The following ZNF630 variants were observed in gnomAD, a reference collection of about 807,000 sequenced individuals.
ZNF630 encodes the protein zinc finger protein 630.
Under a neutral mutation model 7.2 loss-of-function variants are expected in ZNF630, and 5 were observed. The ratio of observed to expected loss-of-function variants is 0.70; its 90% confidence interval spans 0.36 to 1.46. The LOEUF (loss-of-function observed/expected upper bound fraction) is 1.46. Among genes scored for constraint, ZNF630 ranks in the 40% most tolerant of loss-of-function variants. The pLI is 0.03. For missense variants in ZNF630, 461 were observed against 477.0 expected (o/e 0.97, Z 0.31); for synonymous variants, 158 against 162.8 (o/e 0.97, Z 0.23).
Position 48,060,234 on chromosome X carries a change from TACACACACACACACACAC to T in ZNF630, c.239-49_239-32del, listed in dbSNP as rs56253151. 1.6e-3 allele frequency: 924 copies of T among 563,770 alleles called. 5 individuals carry two copies. Among genetic ancestry groups the T allele is most frequent in the Middle Eastern group, 3.3e-3 (6 of 1,803 alleles). The allele number at this position is 563,770 out of a possible 1,213,427, so 46.5% of individuals were successfully genotyped here. A position where few individuals can be genotyped will look rare whatever the true frequency, so the allele number is the denominator to read the frequency against. On this transcript the variant is annotated intron_variant, in intron 4 of 4. Coordinates refer to ENST00000276054, the MANE Select transcript of ZNF630 (RefSeq NM_001282201.2). ...GGAAGAAGAAAGAGGGAAAATCAAA[TACACACACACACACACAC>T]ACACACACACACACACACACACACA...
At position 48,059,882 on chromosome X, in the gene ZNF630, G is replaced by A. The variant is rs898737598; in HGVS notation, c.560C>T (p.Ser187Phe). The A allele has an allele frequency of 1.7e-6, 2 of 1,205,780 alleles. No individual in the cohort carries two copies. Among genetic ancestry groups the A allele is most frequent in the Non-Finnish European group, 2.2e-6 (2 of 892,588 alleles). ...KFDSCENSLK[S>F]NSDLLNYNRS... ...GTTATAATTTAGTAAGTCTGAATTA[G>A]ACTTCAAGCTATTTTCACATGAATC... The change falls in exon 5 of 5, where the codon TCT becomes TTT. Residue 187 changes from serine to phenylalanine, a missense_variant. Transcript: ENST00000276054.
rs150690508 is a variant in ZNF630, at chrX:48,068,119, G to A, written c.-175-1058C>T. Among the ~76,000 whole-genome samples, 239 of 102,854 alleles carry A rather than the reference G, an allele frequency of 2.3e-3. 2 individuals carry two copies. Among genetic ancestry groups the A allele is most frequent in the African/African-American group, 8.2e-3 (227 of 27,797 alleles). The allele number at this position is 102,854 out of a possible 115,157, so 89.3% of individuals were successfully genotyped here. On this transcript the variant is annotated intron_variant, in intron 1 of 4. Transcript: ENST00000276054. ...AGGAGGGAAGGCAGGAAGGAAGGCA[G>A]GACAGAAGGCAGGAAGGAAGGCAGG...
In ZNF630 at chrX:48,059,892, T is replaced by G; in HGVS notation, c.550A>C (p.Ser184Arg). The G allele has an allele frequency of 8.3e-7, 1 of 1,208,073 alleles. No homozygotes were observed. Among genetic ancestry groups the G allele is most frequent in the Non-Finnish European group, 1.1e-6 (1 of 893,148 alleles). Residue 184 changes from serine to arginine, a missense_variant, in exon 5 of 5, where the codon AGC (serine) becomes CGC (arginine). Physicochemically the swap from Ser to Arg is moderately radical, Grantham distance 110. Transcript: ENST00000276054. Reference protein sequence around the residue: ...KFHKFDSCENSLKSNSDLLNY... With the variant: ...KFHKFDSCENRLKSNSDLLNY... ...AGTAAGTCTGAATTAGACTTCAAGC[T>G]ATTTTCACATGAATCAAACTTATGG...
intron 2 of ZNF630, among the ~76,000 whole-genome samples, chrX:48,065,878 A>G (rs1233297462): frequency 9.0e-6 from 1 of 111,216 alleles, no homozygotes; most frequent in African/African-American, 3.3e-5. Flanking sequence ...CAAAATATTA[A>G]CAAGGGATTG....
chrX:48,059,205 G>A lies in ZNF630; in HGVS notation c.1237C>T (p.Pro413Ser). 4 of 1,207,559 alleles carry A rather than the reference G, an allele frequency of 3.3e-6. No individual in the cohort carries two copies. The South Asian group carries it at 7.0e-5, about 21-fold the overall frequency. ...YECTECGKTF[P>S]RKTQLIIHQR... is the part of the protein sequence containing the mutation. ...TGTATAATGAGCTGTGTTTTCCGAG[G>A]GAAGGTCTTCCCACATTCAGTACAT... Residue 413 changes from proline (P) to serine (S), a missense_variant, in exon 5 of 5, where the codon CCT (proline) becomes TCT (serine). Physicochemically the swap from Pro to Ser is moderately conservative, Grantham distance 74. Transcript: ENST00000276054.
intron 1 of ZNF630, among the ~76,000 whole-genome samples, chrX:48,069,351 G>A (rs2059148579): frequency 9.2e-6 from 1 of 108,930 alleles, no homozygotes; most frequent in Admixed American, 9.7e-5. Flanking sequence ...AGTTCTTGGA[G>A]GCAAAACAAA....
chrX:48,064,996 T>C (rs1303859800), intron 2 of ZNF630, among the ~76,000 whole-genome samples: 4 of 112,342 alleles, frequency 3.6e-5, no homozygotes, highest in African/African-American at 1.3e-4. Flanking sequence ...TACTTCGATC[T>C]GTCCCTCTAC....
At chrX:48,065,830 C>T (rs1480693605) in intron 2 of ZNF630, among the ~76,000 whole-genome samples, 2 of 111,122 alleles carry the variant, frequency 1.8e-5, no homozygotes, top group African/African-American at 6.6e-5. Flanking sequence ...AAATTACAGG[C>T]CCTTATGTCT....
intron 4 of ZNF630, 37 bp downstream of exon 4, chrX:48,060,413 A>C: frequency 8.9e-7 from 1 of 1,126,563 alleles, no homozygotes; most frequent in Non-Finnish European, 1.2e-6. Context: ...AGGAAGAAGA[A>C]GATGCCCGCT....
chrX:48,069,145 G>A (rs2059147418), intron 1 of ZNF630, among the ~76,000 whole-genome samples: 1 of 109,356 alleles, frequency 9.1e-6, no homozygotes, highest in South Asian at 3.9e-4. Flanking sequence ...GCAGGCTGAG[G>A]CAGGAGAGTC....
chrX:48,060,355 C>T, intron 4 of ZNF630, 95 bp downstream of exon 4: 1 of 1,018,588 alleles, frequency 9.8e-7, no homozygotes, highest in Non-Finnish European at 1.3e-6. Flanking sequence ...TAAAGGAGGC[C>T]TGATAAATTT....
rs558387334 is a variant in ZNF630, at chrX:48,067,487, A to G, written c.-175-426T>C. On this transcript the variant is annotated intron_variant, in intron 1 of 4. Coordinates refer to ENST00000276054, the MANE Select transcript of ZNF630 (RefSeq NM_001282201.2). ...AAATATGTGTCTGGGATTTGTTTCAAAATAATAAAGACTACCCATGTAAAA... is the reference window on the plus strand; with the variant it reads ...AAATATGTGTCTGGGATTTGTTTCAGAATAATAAAGACTACCCATGTAAAA... Among the ~76,000 whole-genome samples the G allele has an allele frequency of 7.8e-4, 87 of 112,049 alleles. No individual in the cohort carries two copies. In the South Asian group the frequency reaches 0.032, roughly 41 times the overall value.
chrX:48,058,840 C>T lies in ZNF630; in HGVS notation c.1602G>A (p.Leu534=). Residue 534 remains leucine (L), a synonymous_variant, in exon 5 of 5, where the codon CTG becomes CTA. Coordinates refer to ENST00000276054, the MANE Select transcript of ZNF630 (RefSeq NM_001282201.2). ...FSQKSLLIIH[L]RVHTGEKPYE... is the part of the protein sequence containing the mutation. ...AAGGTTTCTCCCCTGTGTGAACTCT[C>T]AGATGAATAATGAGGAGTGATTTCT... The T allele has an allele frequency of 8.3e-7, 1 of 1,206,176 alleles. No individual in the cohort carries two copies. Among genetic ancestry groups the T allele is most frequent in the Non-Finnish European group, 1.1e-6 (1 of 891,843 alleles).
chrX:48,066,981 T>A lies in ZNF630; in HGVS notation c.-95A>T. ...AGTTAACCACTCTTCAACAGCTGGA[T>A]GTGACAATGTGTTGCTTGTTAATTC... On this transcript the variant is annotated 5_prime_UTR_variant, in exon 2 of 5. Coordinates refer to ENST00000276054, the MANE Select transcript of ZNF630 (RefSeq NM_001282201.2). 1 of 924,414 alleles carries A rather than the reference T, an allele frequency of 1.1e-6. No homozygotes were observed. Among genetic ancestry groups the A allele is most frequent in the East Asian group, 3.1e-5 (1 of 31,807 alleles). The allele number at this position is 924,414 out of a possible 1,213,427, so 76.2% of individuals were successfully genotyped here.
intron 2 of ZNF630, among the ~76,000 whole-genome samples, chrX:48,064,315 G>T (rs1405214111): frequency 3.6e-5 from 4 of 111,353 alleles, no homozygotes; most frequent in Non-Finnish European, 7.5e-5. Flanking sequence ...ACAAGGTTCT[G>T]GTATCCTGCA....
rs782365844 is a variant in ZNF630 at position 48,059,090 on chromosome X, C to A, written c.1352G>T (p.Arg451Ile). ...CQQSHLIGHQ[R>I]IHTGEKPYVC... ...ATAAGGTTTTTCTCCTGTATGAATTCTTTGATGTCCTATGAGGTGGGACTG... is the reference window on the plus strand; with the variant it reads ...ATAAGGTTTTTCTCCTGTATGAATTATTTGATGTCCTATGAGGTGGGACTG... The change falls in exon 5 of 5, where the codon AGA becomes ATA. Residue 451 changes from arginine to isoleucine, a missense_variant. Arg to Ile is a moderately conservative substitution (Grantham distance 97, BLOSUM62 -3). Transcript: ENST00000276054. The A allele has an allele frequency of 5.0e-6, 6 of 1,208,430 alleles. No homozygotes were observed. Among genetic ancestry groups the A allele is most frequent in the South Asian group, 3.5e-5 (2 of 56,873 alleles).
rs2059098551 is a variant in ZNF630 at position 48,060,273 on chromosome X, AC to A, written c.239-71del. The A allele has an allele frequency of 4.2e-5, 39 of 924,021 alleles. 1 individual carries two copies. Among genetic ancestry groups the A allele is most frequent in the Admixed American group, 1.8e-4 (5 of 27,541 alleles). The allele number at this position is 924,021 out of a possible 1,213,427, so 76.1% of individuals were successfully genotyped here. A position where few individuals can be genotyped will look rare whatever the true frequency, so the allele number is the denominator to read the frequency against. On this transcript the variant is annotated intron_variant, in intron 4 of 4. Coordinates refer to ENST00000276054, the MANE Select transcript of ZNF630 (RefSeq NM_001282201.2). ...CACACACACACACACACACACACAC[AC>A]ACACACACACACAAAACAGTTGGCA...
rs1556911038 is a variant in ZNF630 at position 48,071,427 on chromosome X, C to A, written c.-336G>T. The A allele has an allele frequency of 9.0e-6, 1 of 111,376 alleles. No homozygotes were observed. Among genetic ancestry groups the A allele is most frequent in the African/African-American group, 3.3e-5 (1 of 30,511 alleles). 9.2% of individuals were successfully genotyped at this position (111,376 alleles called of 1,213,427 possible). A position where few individuals can be genotyped will look rare whatever the true frequency, so the allele number is the denominator to read the frequency against. On this transcript the variant is annotated 5_prime_UTR_variant, in exon 1 of 5. Coordinates refer to ENST00000276054, the MANE Select transcript of ZNF630 (RefSeq NM_001282201.2). ...GAAACAGCCACGAAGCCGAGCTCTA[C>A]CAGTAACAAAAATGGCGTCATTCCG... is the stretch of plus-strand genomic sequence containing the variant.
In ZNF630 at chrX:48,058,706, G is replaced by A; in HGVS notation, c.1736C>T (p.Ala579Val). The change falls in exon 5 of 5, where the codon GCC (alanine) becomes GTC (valine). Residue 579 changes from alanine to valine, a missense_variant. Ala to Val is a moderately conservative substitution (Grantham distance 64, BLOSUM62 0). Coordinates refer to ENST00000276054, the MANE Select transcript of ZNF630 (RefSeq NM_001282201.2). ...AATGAGTGGAGACTTTCCACAGAAG[G>A]CCTTTCCACATTCACTACATTCATA... ...KPYECSECGK[A>V]FCGKSPLIIH... 2.1e-5 allele frequency: 25 copies of A among 1,207,503 alleles called. No individual in the cohort carries two copies. Among genetic ancestry groups the A allele is most frequent in the Non-Finnish European group, 2.7e-5 (24 of 892,716 alleles).
Sources: allele counts gnomAD v4.1 joint callset (sites outside exome capture counted in the v4.1 genomes callset), GRCh38; gene constraint gnomAD v4.1.1; transcripts MANE v1.5; gene names NCBI Gene and HGNC (gene_info 2026-07-23, HGNC 2026-07-21).